Variants in EXOC4 observed in about 807,000 individuals in gnomAD.
EXOC4 encodes SEC8-like 1.
A neutral mutation model predicts 107.2 loss-of-function variants in EXOC4; 71 were observed. That is an observed-to-expected ratio of 0.66 (90% CI 0.55 to 0.81). The LOEUF (loss-of-function observed/expected upper bound fraction) is 0.81. Ranked by LOEUF, EXOC4 falls within the 30% of genes least tolerant of loss-of-function variation. The pLI is 0.00. For missense variants in EXOC4, 1,108 were observed against 1,189.6 expected, an observed-to-expected ratio of 0.93 and a Z score of 1.01; for synonymous variants, 456 against 441.2, an observed-to-expected ratio of 1.03 and a Z score of -0.42.
intron 10 of EXOC4, among the ~76,000 whole-genome samples, chr7:133,798,196 T>C (rs1277136797): frequency 6.6e-6 from 1 of 152,056 alleles, no homozygotes; most frequent in East Asian, 1.9e-4. Context: ...TCCTCAACAT[T>C]TCTTATTTGT....
intron 11 of EXOC4, among the ~76,000 whole-genome samples, chr7:133,831,216 G>T (rs544206862): frequency 6.6e-6 from 1 of 152,106 alleles, no homozygotes; most frequent in African/African-American, 2.4e-5. Context: ...ACCTGCCTTG[G>T]CCTCCCAAAG....
At chr7:133,853,181 C>T (rs1798271154) in intron 11 of EXOC4, among the ~76,000 whole-genome samples, 2 of 152,142 alleles carry the variant, frequency 1.3e-5, no homozygotes, top group South Asian at 2.1e-4. Context: ...TTTAGCATGA[C>T]ATGGAGGGTA....
chr7:133,967,686 C>T (rs1473695482), intron 14 of EXOC4, among the ~76,000 whole-genome samples: 1 of 151,930 alleles, frequency 6.6e-6, no homozygotes, highest in South Asian at 2.1e-4. Context: ...CACTGTGGTC[C>T]CAGAGACGGT....
At chr7:133,983,842 T>C (rs1333556752) in intron 14 of EXOC4, among the ~76,000 whole-genome samples, 1 of 152,216 alleles carries the variant, frequency 6.6e-6, no homozygotes, top group Admixed American at 6.5e-5. Context: ...ACAATACTGC[T>C]TTTCAACAGA....
At chr7:133,602,002 A>G (rs986367543) in intron 9 of EXOC4, 10 of 152,250 alleles carry the variant, frequency 6.6e-5, no homozygotes, top group Middle Eastern at 3.2e-3. Context: ...CTGGTCACCA[A>G]TTTTACAGGT....
chr7:133,330,060 G>A (rs990158294), intron 5 of EXOC4, among the ~76,000 whole-genome samples: 1 of 152,142 alleles, frequency 6.6e-6, no homozygotes, highest in African/African-American at 2.4e-5. Context: ...ACAGGGAGGT[G>A]GGGGTTTCAT....
intron 10 of EXOC4, among the ~76,000 whole-genome samples, chr7:133,776,581 C>T (rs1796349756): frequency 6.6e-6 from 1 of 152,134 alleles, no homozygotes; most frequent in African/African-American, 2.4e-5. Context: ...GTCATTTACT[C>T]TTCTGTCTAA....
chr7:133,419,069 T>C (rs1368740871), intron 7 of EXOC4, among the ~76,000 whole-genome samples: 1 of 152,030 alleles, frequency 6.6e-6, no homozygotes, highest in African/African-American at 2.4e-5. Context: ...GCAGAGGAAA[T>C]AGGGGAGACA....
chr7:133,339,503 G>A (rs905499168), intron 5 of EXOC4, among the ~76,000 whole-genome samples: 3 of 152,086 alleles, frequency 2.0e-5, no homozygotes, highest in Non-Finnish European at 4.4e-5. Context: ...TCCATTTTTG[G>A]TGCCACGTGA....
At chr7:133,451,433 A>C (rs1283430540) in intron 7 of EXOC4, among the ~76,000 whole-genome samples, 1 of 152,068 alleles carries the variant, frequency 6.6e-6, no homozygotes, top group Non-Finnish European at 1.5e-5. Context: ...TTCAAATTTA[A>C]ATGTGCTTTG....
intron 2 of EXOC4, among the ~76,000 whole-genome samples, chr7:133,278,408 C>G (rs966231240): frequency 5.3e-5 from 8 of 152,100 alleles, no homozygotes; most frequent in African/African-American, 1.9e-4. Flanking sequence ...TACACACACC[C>G]CCACCCACTC....
chr7:133,870,794 C>T (rs1439729458), intron 11 of EXOC4, among the ~76,000 whole-genome samples: 1 of 152,226 alleles, frequency 6.6e-6, no homozygotes, highest in Admixed American at 6.5e-5. Context: ...CACTTGACCT[C>T]TTTCGCCATT....
chr7:133,630,435 A>G (rs549365728), intron 10 of EXOC4, among the ~76,000 whole-genome samples: 40 of 150,976 alleles, frequency 2.6e-4, no homozygotes, highest in Non-Finnish European at 4.6e-4. Context: ...TGTTTTATCT[A>G]TCTCAGGAGT....
rs564319268 is a variant in EXOC4, at chr7:133,424,263, T to C, written c.1182+49261T>C. Among the ~76,000 whole-genome samples the C allele has an allele frequency of 2.6e-5, 4 of 152,248 alleles. No individual in the cohort carries two copies. The East Asian group carries it at 5.8e-4, about 22-fold the overall frequency. On this transcript the variant is annotated intron_variant, in intron 7 of 17. Coordinates refer to ENST00000253861, the MANE Select transcript of EXOC4 (RefSeq NM_021807.4). ...GCCGCCTTTATGAGCTGTAACACTC[T>C]TATGAGCTGTAACACTCACTGTGAA...
chr7:133,375,252 G>A (rs1009090363), intron 7 of EXOC4, among the ~76,000 whole-genome samples: 5 of 152,200 alleles, frequency 3.3e-5, no homozygotes, highest in Non-Finnish European at 1.5e-5. Flanking sequence ...AAGGCGGGTG[G>A]ATCACCTGAG....
chr7:134,064,278 CT>C lies in EXOC4; in HGVS notation c.2688-11del. 2.8e-6 allele frequency: 4 copies of C among 1,421,104 alleles called. No individual in the cohort carries two copies. Among genetic ancestry groups the C allele is most frequent in the Non-Finnish European group, 3.7e-6 (4 of 1,075,484 alleles). 88.0% of individuals were successfully genotyped at this position (1,421,104 alleles called of 1,614,324 possible). A position where few individuals can be genotyped will look rare whatever the true frequency, so the allele number is the denominator to read the frequency against. ...GGGGAGCCAGTGAGCAGTGTTCTCT[CT>C]TGCTTTCTCAGGCAGTACTACGAGA... On this transcript the variant is annotated splice_polypyrimidine_tract_variant and intron_variant, in intron 17 of 17. Transcript: ENST00000253861.
intron 4 of EXOC4, among the ~76,000 whole-genome samples, chr7:133,311,376 A>C (rs1036110405): frequency 4.6e-5 from 7 of 152,176 alleles, no homozygotes; most frequent in Non-Finnish European, 8.8e-5. Context: ...GGTGAGACAA[A>C]ATAGAGTTGA....
chr7:133,792,711 G>T (rs1233180089), intron 10 of EXOC4, among the ~76,000 whole-genome samples: 3 of 152,182 alleles, frequency 2.0e-5, no homozygotes, highest in African/African-American at 7.2e-5. Flanking sequence ...ACTATGCTAT[G>T]TTGAAGCCTT....
chr7:134,050,030 A>G (rs775516973), intron 17 of EXOC4, among the ~76,000 whole-genome samples: 3 of 152,222 alleles, frequency 2.0e-5, no homozygotes, highest in Non-Finnish European at 4.4e-5. Flanking sequence ...TCCAGGCTCT[A>G]TTGTTAAGTA....
Sources: allele counts gnomAD v4.1 joint callset (sites outside exome capture counted in the v4.1 genomes callset), GRCh38; gene constraint gnomAD v4.1.1; transcripts MANE v1.5; gene names NCBI Gene and HGNC (gene_info 2026-07-23, HGNC 2026-07-21).